The following SNX9 variants were observed in gnomAD, a reference collection of about 807,000 sequenced individuals.
SNX9 encodes the protein sorting nexin-9.
Under a neutral mutation model 89.4 loss-of-function variants are expected in SNX9, and 44 were observed. That is an observed-to-expected ratio of 0.49 (90% CI 0.39 to 0.63). SNX9 has a LOEUF of 0.63. SNX9 is among the 30% of genes least tolerant of loss of function. The pLI, the probability that SNX9 is intolerant of heterozygous loss-of-function variation, is 0.00. For synonymous variants in SNX9, 236 were observed against 247.8 expected (o/e 0.95, Z 0.45); for missense variants, 578 against 736.1 (o/e 0.79, Z 2.49).
At chr6:157,872,020 A>G (rs1171939515) in intron 2 of SNX9, among the ~76,000 whole-genome samples, 1 of 152,064 alleles carries the variant, frequency 6.6e-6, no homozygotes, top group Non-Finnish European at 1.5e-5. Flanking sequence ...TTGTGGTCAG[A>G]AAGTGACAAA....
At chr6:157,828,845 T>G (rs975567994) in intron 1 of SNX9, among the ~76,000 whole-genome samples, 11 of 152,158 alleles carry the variant, frequency 7.2e-5, no homozygotes, top group African/African-American at 2.7e-4. Context: ...CCGCCCCTGT[T>G]TCAGGGTCAC....
intron 6 of SNX9, among the ~76,000 whole-genome samples, chr6:157,902,847 T>TA (rs1476152708): frequency 2.0e-5 from 3 of 151,974 alleles, no homozygotes; most frequent in African/African-American, 7.3e-5. Context: ...TTTGTATTTT[T>TA]AGTAGAGACG....
chr6:157,870,318 A>T (rs1206408077), intron 2 of SNX9, among the ~76,000 whole-genome samples: 2 of 140,204 alleles, frequency 1.4e-5, no homozygotes, highest in African/African-American at 5.4e-5. Flanking sequence ...ACACACACCT[A>T]CTCTCTCACC....
chr6:157,940,608 G>A (rs2115224214), intron 16 of SNX9, among the ~76,000 whole-genome samples: 1 of 152,342 alleles, frequency 6.6e-6, no homozygotes, highest in Admixed American at 6.5e-5. Context: ...AGTAGAGATG[G>A]GGTTTTGCCA....
At chr6:157,885,263 A>G (rs1782710186) in intron 4 of SNX9, 1 of 152,202 alleles carries the variant, frequency 6.6e-6, no homozygotes, top group Admixed American at 6.5e-5. Flanking sequence ...CTGGCTATAA[A>G]TAGATTGAGT....
At chr6:157,921,868 A>G (rs1783591192) in intron 10 of SNX9, among the ~76,000 whole-genome samples, 1 of 152,200 alleles carries the variant, frequency 6.6e-6, no homozygotes, top group Non-Finnish European at 1.5e-5. Flanking sequence ...TTCCCCCTAC[A>G]CTGGGAGTGG....
At chr6:157,906,778 A>G (rs1442841687) in intron 7 of SNX9, among the ~76,000 whole-genome samples, 3 of 152,104 alleles carry the variant, frequency 2.0e-5, no homozygotes, top group Admixed American at 6.5e-5. Flanking sequence ...TTCATTCCAC[A>G]TTTTGATTGG....
intron 2 of SNX9, among the ~76,000 whole-genome samples, chr6:157,867,883 T>C (rs557021923): frequency 1.3e-5 from 2 of 152,336 alleles, no homozygotes; most frequent in African/African-American, 4.8e-5. Context: ...TGTATGTAAT[T>C]GAGTTTATTA....
chr6:157,848,708 A>G (rs1781851289), intron 1 of SNX9, among the ~76,000 whole-genome samples: 2 of 152,238 alleles, frequency 1.3e-5, no homozygotes, highest in African/African-American at 4.8e-5. Flanking sequence ...TGTGCTGAGC[A>G]GGACTGACAG....
chr6:157,908,199 CTG>C (rs978741239), intron 7 of SNX9, among the ~76,000 whole-genome samples: 1 of 152,282 alleles, frequency 6.6e-6, no homozygotes, highest in Admixed American at 6.5e-5. Flanking sequence ...TCAGCGCAAT[CTG>C]TGTGATTTTT....
At chr6:157,847,186 T>C (rs576548352) in intron 1 of SNX9, among the ~76,000 whole-genome samples, 3 of 152,168 alleles carry the variant, frequency 2.0e-5, no homozygotes, top group African/African-American at 7.2e-5. Flanking sequence ...CACTGCAGCT[T>C]CCACCTCTTG....
At chr6:157,870,938 G>A (rs1282561660) in intron 2 of SNX9, among the ~76,000 whole-genome samples, 1 of 152,236 alleles carries the variant, frequency 6.6e-6, no homozygotes, top group African/African-American at 2.4e-5. Flanking sequence ...ACGCACACTC[G>A]CATGCTCACA....
rs1244741793 is a variant in SNX9, at chr6:157,935,969, A to G, written c.1372A>G (p.Thr458Ala). 5 of 1,609,968 alleles carry G rather than the reference A, an allele frequency of 3.1e-6. No individual in the cohort carries two copies. Among genetic ancestry groups the G allele is most frequent in the Non-Finnish European group, 4.2e-6 (5 of 1,178,238 alleles). ...ATAAAATTGATCATTTTCAGGTGAAACAGATCTCAATGATGCAATAACAGA... is the reference window on the plus strand; with the variant it reads ...ATAAAATTGATCATTTTCAGGTGAAGCAGATCTCAATGATGCAATAACAGA... ...VFSSSGYQGETDLNDAITEAG... is the reference protein window; with the variant it reads ...VFSSSGYQGEADLNDAITEAG... The change falls in exon 14 of 18, where the codon ACA becomes GCA. Residue 458 changes from threonine to alanine, a missense_variant. Around this residue, in one of 2 missense-constraint regions of SNX9, gnomAD observed 348 missense variants for 491.4 expected, o/e 0.71. Coordinates refer to ENST00000392185, the MANE Select transcript of SNX9 (RefSeq NM_016224.5).
rs199569684 is a variant in SNX9 at position 157,940,973 on chromosome 6, C to T, written c.1739C>T (p.Thr580Met). The change falls in exon 17 of 18, where the codon ACG becomes ATG. Residue 580 changes from threonine to methionine, a missense_variant and splice_region_variant. Transcript: ENST00000392185. ...GAGCAGCAAGTGCAATTTTACGAAA[C>T]GGTGAGTGGGCGTCCACGTGCCTTT... ...YLEQQVQFYE[T>M]IAEKLRQALS... The T allele has an allele frequency of 1.8e-5, 29 of 1,613,982 alleles. No homozygotes were observed. Among genetic ancestry groups the T allele is most frequent in the Admixed American group, 1.5e-4 (9 of 60,032 alleles).
chr6:157,931,168 A>G (rs1783803818), intron 12 of SNX9, among the ~76,000 whole-genome samples: 2 of 152,298 alleles, frequency 1.3e-5, no homozygotes, highest in South Asian at 4.1e-4. Context: ...AATGTGTAGA[A>G]TGAAAACTCT....
intron 9 of SNX9, among the ~76,000 whole-genome samples, chr6:157,919,637 T>G (rs1018214673): frequency 1.3e-5 from 2 of 152,220 alleles, no homozygotes; most frequent in African/African-American, 4.8e-5. Flanking sequence ...TTAGGCTTCC[T>G]TTAGTTCTTT....
intron 4 of SNX9, among the ~76,000 whole-genome samples, chr6:157,892,486 A>C (rs1040864080): frequency 3.3e-5 from 5 of 152,108 alleles, no homozygotes; most frequent in Non-Finnish European, 5.9e-5. Flanking sequence ...AAAAAAAAAA[A>C]CAAAACCAAA....
intron 1 of SNX9, among the ~76,000 whole-genome samples, chr6:157,864,217 C>T (rs949962302): frequency 3.3e-5 from 5 of 152,204 alleles, no homozygotes; most frequent in East Asian, 1.9e-4. Flanking sequence ...ACACAGCAGA[C>T]GGGTGAGCGA....
chr6:157,871,773 CT>C (rs750179923), intron 2 of SNX9, among the ~76,000 whole-genome samples: 11,714 of 122,130 alleles, frequency 0.096, 273 homozygotes, highest in African/African-American at 0.15. Flanking sequence ...TCAGTCTTAC[CT>C]TTTTTTTTTT....
Sources: allele counts gnomAD v4.1 joint callset (sites outside exome capture counted in the v4.1 genomes callset), GRCh38; gene constraint gnomAD v4.1.1; regional missense constraint gnomAD v4.1.1; transcripts MANE v1.5; gene names NCBI Gene and HGNC (gene_info 2026-07-23, HGNC 2026-07-21).